Variants in VPS13D observed in about 807,000 individuals in gnomAD.
The protein encoded by VPS13D is intermembrane lipid transfer protein VPS13D.
In VPS13D, 187 loss-of-function variants were observed where a neutral mutation model predicts 461.9. The observed-to-expected ratio is 0.40, with a 90% CI of 0.36 to 0.46. The LOEUF is 0.46. Among genes scored for constraint, VPS13D ranks in the 20% least tolerant of loss-of-function variants. The pLI, the probability that VPS13D is intolerant of heterozygous loss-of-function variation, is 0.60. For missense variants in VPS13D, 4,711 were observed against 5,364.9 expected, an observed-to-expected ratio of 0.88 and a Z score of 3.81; for synonymous variants, 1,951 against 1,986.3, an observed-to-expected ratio of 0.98 and a Z score of 0.47.
chr1:12,270,948 A>G, intron 16 of VPS13D, 46 bp from the exon 17 acceptor site: 1 of 1,603,644 alleles, frequency 6.2e-7, no homozygotes, highest in Non-Finnish European at 8.5e-7. Context: ...TTGTTCACCC[A>G]GCCGTGTGAA....
intron 63 of VPS13D, among the ~76,000 whole-genome samples, chr1:12,408,797 G>A (rs1036909105): frequency 6.6e-6 from 1 of 152,208 alleles, no homozygotes; most frequent in African/African-American, 2.4e-5. Flanking sequence ...CTGCCATTTT[G>A]ACATTGCTGA....
At chr1:12,466,464 G>A (rs564625914) in intron 67 of VPS13D, among the ~76,000 whole-genome samples, 1 of 152,166 alleles carries the variant, frequency 6.6e-6, no homozygotes, top group East Asian at 1.9e-4. Context: ...CAGAGTTCCT[G>A]TTCCTTAAAA....
intron 44 of VPS13D, 83 bp from the exon 45 acceptor site, chr1:12,348,740 A>G: frequency 6.6e-7 from 1 of 1,513,976 alleles, no homozygotes; most frequent in Non-Finnish European, 9.0e-7. Flanking sequence ...GACACTTTTA[A>G]GGTAGACATT....
Position 12,505,723 on chromosome 1 carries a change from G to T in VPS13D, c.12795-1130G>T, listed in dbSNP as rs532188395. On this transcript the variant is annotated intron_variant, in intron 68 of 69. Coordinates refer to ENST00000620676, the MANE Select transcript of VPS13D (RefSeq NM_015378.4). The surrounding 1 kb of genome is among the most constrained non-coding windows in gnomAD (Gnocchi z 4.2). ...ATTAAATGCTCAAAAGTGGAGGAGGGGCTGGAGTATGTGGGGGATGCTTCA... is the reference window on the plus strand; with the variant it reads ...ATTAAATGCTCAAAAGTGGAGGAGGTGCTGGAGTATGTGGGGGATGCTTCA... 1.9e-4 allele frequency among the ~76,000 whole-genome samples: 29 copies of T among 152,356 alleles called. No individual in the cohort carries two copies. The highest frequency in any genetic ancestry group is 6.7e-4 in the African/African-American group (28 of 41,574).
chr1:12,243,547 T>C (rs541389754), intron 3 of VPS13D, among the ~76,000 whole-genome samples: 27 of 152,234 alleles, frequency 1.8e-4, no homozygotes, highest in African/African-American at 6.3e-4. Context: ...ATCCCAGCAC[T>C]TTGGGAGGCT....
Position 12,509,046 on chromosome 1 carries a change from G to A in VPS13D, c.*22G>A, listed in dbSNP as rs201021884. Reference sequence around the variant, plus strand: ...CTGAAGCCCCGCTGCTGAGATGGGCGCTCCCGACACAGCGCAGACCCACCA... The same window carrying A: ...CTGAAGCCCCGCTGCTGAGATGGGCACTCCCGACACAGCGCAGACCCACCA... On this transcript the variant is annotated 3_prime_UTR_variant, in exon 70 of 70. Coordinates refer to ENST00000620676, the MANE Select transcript of VPS13D (RefSeq NM_015378.4). The A allele has an allele frequency of 6.5e-5, 105 of 1,612,406 alleles. No homozygotes were observed. The highest frequency in any genetic ancestry group is 1.0e-4 in the Admixed American group (6 of 59,838).
At position 12,261,997 on chromosome 1, in the gene VPS13D, A is replaced by G. The variant is rs1035461988; in HGVS notation, c.1511A>G (p.Gln504Arg). 3.7e-6 allele frequency: 6 copies of G among 1,614,194 alleles called. No individual in the cohort carries two copies. Among genetic ancestry groups the G allele is most frequent in the Non-Finnish European group, 5.1e-6 (6 of 1,180,014 alleles). Residue 504 changes from glutamine to arginine, a missense_variant, in exon 13 of 70, where the codon CAG becomes CGG. This residue lies in a region of VPS13D where 4,411 missense variants were observed against 4,937.8 expected (regional missense o/e 0.89). Transcript: ENST00000620676. ...TTTGCCAAACTGAATTTGCAGTTGC[A>G]GCGAGGTACAGTGACTCTGTTACAC... ...HVFAKLNLQL[Q>R]RGTVTLLHKE... is the part of the protein sequence containing the mutation.
chr1:12,245,997 C>T (rs1640539803), intron 5 of VPS13D, among the ~76,000 whole-genome samples: 1 of 152,192 alleles, frequency 6.6e-6, no homozygotes, highest in Non-Finnish European at 1.5e-5. Flanking sequence ...TTAAACAAAG[C>T]TGGACCTCAG....
rs1447734928 is a variant in VPS13D, at chr1:12,479,339, TGTCCATGGTGTCCAGGAA to T, written c.12663-18159_12663-18142del. On this transcript the variant is annotated intron_variant, in intron 67 of 69. Transcript: ENST00000620676. ...CCAAACTCGGGACCTGCCTGTGCTT[TGTCCATGGTGTCCAGGAA>T]GAAATCTGTGTCTGTCACTTCCAGA... 9.8e-5 allele frequency among the ~76,000 whole-genome samples: 15 copies of T among 152,364 alleles called. No individual in the cohort carries two copies. The East Asian group carries it at 2.9e-3, about 29-fold the overall frequency.
chr1:12,248,846 T>C (rs1640641595), intron 5 of VPS13D, among the ~76,000 whole-genome samples: 1 of 150,080 alleles, frequency 6.7e-6, no homozygotes, highest in Non-Finnish European at 1.5e-5. Flanking sequence ...CTTTGCTTTC[T>C]TTAATTGCTT....
At chr1:12,245,933 C>CT (rs1241745080) in intron 5 of VPS13D, among the ~76,000 whole-genome samples, 38 of 152,314 alleles carry the variant, frequency 2.5e-4, no homozygotes, top group Non-Finnish European at 7.4e-5. Flanking sequence ...TGTGTCAGCA[C>CT]TTTATTCCTT....
chr1:12,374,390 G>GT lies in VPS13D; in HGVS notation c.10917+540dup, dbSNP rs942774911. Reference sequence around the variant, plus strand: ...TTAGGTTTTTGTTTGGTTTGTTTTTGTTTTTTTTACTTTTTATTTGGAAAC... The same window carrying GT: ...TTAGGTTTTTGTTTGGTTTGTTTTTGTTTTTTTTTACTTTTTATTTGGAAAC... On this transcript the variant is annotated intron_variant, in intron 55 of 69. Transcript: ENST00000620676. 3.2e-4 allele frequency among the ~76,000 whole-genome samples: 48 copies of GT among 151,848 alleles called. 1 individual carries two copies. Among genetic ancestry groups the GT allele is most frequent in the African/African-American group, 7.0e-4 (29 of 41,392 alleles).
intron 60 of VPS13D, among the ~76,000 whole-genome samples, chr1:12,392,983 C>T (rs1035721312): frequency 6.6e-6 from 1 of 152,182 alleles, no homozygotes; most frequent in East Asian, 1.9e-4. Context: ...CCTCCAAAAT[C>T]CAAATAGGCC....
chr1:12,367,485 T>G (rs1203245453), intron 52 of VPS13D, among the ~76,000 whole-genome samples: 1 of 152,194 alleles, frequency 6.6e-6, no homozygotes, highest in Non-Finnish European at 1.5e-5. Context: ...ATATTCTGTT[T>G]CCCAAAAACC....
intron 63 of VPS13D, chr1:12,409,915 GCTTTTATT>G (rs1235317868): frequency 2.2e-6 from 1 of 456,100 alleles, no homozygotes; most frequent in Admixed American, 2.4e-5. Flanking sequence ...CATTTATTTT[GCTTTTATT>G]CTTGAGACTT....
At chr1:12,243,135 A>C (rs1383835926) in intron 3 of VPS13D, among the ~76,000 whole-genome samples, 2 of 151,568 alleles carry the variant, frequency 1.3e-5, no homozygotes. Flanking sequence ...TTGTATTTTT[A>C]GTAGAGACGA....
In VPS13D at chr1:12,310,912, CCTCCCTCT is replaced by C. The variant is rs1399169632; in HGVS notation, c.6651-526_6651-519del. ...CCCTCCTTCCCTCCTTCCCTCCTTC[CCTCCCTCT>C]CTCCCTCTCTCCCTCCCACAGGGTC... On this transcript the variant is annotated intron_variant, in intron 27 of 69. Coordinates refer to ENST00000620676, the MANE Select transcript of VPS13D (RefSeq NM_015378.4). Among the ~76,000 whole-genome samples the C allele has an allele frequency of 1.1e-3, 126 of 119,312 alleles. 2 individuals carry two copies. In the Middle Eastern group the frequency reaches 0.026, roughly 25 times the overall value. The allele number at this position is 119,312 out of a possible 152,430, so 78.3% of individuals were successfully genotyped here. A position where few individuals can be genotyped will look rare whatever the true frequency, so the allele number is the denominator to read the frequency against.
chr1:12,483,006 C>T (rs974904437), intron 67 of VPS13D, among the ~76,000 whole-genome samples: 4 of 152,172 alleles, frequency 2.6e-5, no homozygotes, highest in African/African-American at 9.7e-5. Flanking sequence ...TAAGCATCCT[C>T]TACATATATC....
chr1:12,473,685 G>T lies in VPS13D; in HGVS notation c.12662+13289G>T, dbSNP rs866007012. Among the ~76,000 whole-genome samples, 2 of 152,208 alleles carry T rather than the reference G, an allele frequency of 1.3e-5. No individual in the cohort carries two copies. Among genetic ancestry groups the T allele is most frequent in the African/African-American group, 4.8e-5 (2 of 41,446 alleles). ...ATTCTCCCCTGAATGTTGGAATGTT[G>T]TGTGAAGGTGAAACAGGGATTGTGT... On this transcript the variant is annotated intron_variant, in intron 67 of 69. Transcript: ENST00000620676. The surrounding 1 kb of genome is among the most constrained non-coding windows in gnomAD (Gnocchi z 4.2).
Sources: gnomAD v4.1 joint callset for allele counts (sites outside exome capture counted in the v4.1 genomes callset) on GRCh38, gnomAD v4.1.1 for gene constraint, gnomAD v4.1.1 regional missense constraint, Gnocchi (gnomAD v3.1) non-coding constraint, MANE v1.5 for transcripts, NCBI Gene and HGNC (gene_info 2026-07-23, HGNC 2026-07-21) for gene names.